Variants in TYW3 observed in about 807,000 individuals in gnomAD.
The protein encoded by TYW3 is tRNA-yW synthesizing protein 3 homolog, also known as tRNA wybutosine-synthesizing protein 3 homolog.
In TYW3, 26 loss-of-function variants were observed where a neutral mutation model predicts 23.1. The observed-to-expected ratio is 1.13, with a 90% CI of 0.83 to 1.56. The LOEUF (loss-of-function observed/expected upper bound fraction) is 1.56. TYW3 is among the 40% of genes most tolerant of loss of function. The probability of loss-of-function intolerance (pLI) is 0.00; values close to 1 mark genes in which losing one functional copy is unlikely to be tolerated. For missense variants in TYW3, 316 were observed against 311.9 expected (o/e 1.01, Z -0.10); for synonymous variants, 102 against 105.7 (o/e 0.97, Z 0.21).
At position 74,764,176 on chromosome 1, in the gene TYW3, TA is replaced by T; in HGVS notation, c.*65del. The T allele has an allele frequency of 1.4e-6, 2 of 1,436,126 alleles. No homozygotes were observed. The highest frequency in any genetic ancestry group is 9.5e-7 in the Non-Finnish European group (1 of 1,048,758). The allele number at this position is 1,436,126 out of a possible 1,614,324, so 89.0% of individuals were successfully genotyped here. A position where few individuals can be genotyped will look rare whatever the true frequency, so the allele number is the denominator to read the frequency against. ...GTAGGTTTTATAAAGCTGCTCTTCA[TA>T]AGAGTATTTTAGTTTGTTGAGTGTA... On this transcript the variant is annotated 3_prime_UTR_variant, in exon 6 of 6. Coordinates refer to ENST00000370867, the MANE Select transcript of TYW3 (RefSeq NM_138467.3).
chr1:74,736,287 C>A, intron 1 of TYW3: 1 of 279,668 alleles, frequency 3.6e-6, no homozygotes, highest in Non-Finnish European at 6.7e-6. Flanking sequence ...TTTTTTCTTG[C>A]AAAATCATGA....
In TYW3 at chr1:74,764,122, T is replaced by A; in HGVS notation, c.*9T>A. On this transcript the variant is annotated 3_prime_UTR_variant, in exon 6 of 6. Coordinates refer to ENST00000370867, the MANE Select transcript of TYW3 (RefSeq NM_138467.3). ...TCCCTGAAGATTACTAAGCTTTGGT[T>A]CTGATGTGTCTTGGCCGTAATGTTT... 3.1e-6 allele frequency: 5 copies of A among 1,601,452 alleles called. No individual in the cohort carries two copies. The highest frequency in any genetic ancestry group is 4.3e-6 in the Non-Finnish European group (5 of 1,175,046).
chr1:74,755,062 G>C (rs1262038573), intron 5 of TYW3, among the ~76,000 whole-genome samples: 1 of 152,124 alleles, frequency 6.6e-6, no homozygotes, highest in Non-Finnish European at 1.5e-5. Context: ...ACTGTGTAAT[G>C]AGAAAATATT....
chr1:74,764,465 A>C lies in TYW3; in HGVS notation c.*352A>C, dbSNP rs1319164450. 1.2e-5 allele frequency: 2 copies of C among 169,378 alleles called. No homozygotes were observed. The highest frequency in any genetic ancestry group is 4.7e-5 in the African/African-American group (2 of 42,194). The allele number at this position is 169,378 out of a possible 1,614,324, so 10.5% of individuals were successfully genotyped here. Reference sequence around the variant, plus strand: ...TTTAGATTATTTTGGATACATTTTGAAAAGGGATAGCATAAATATTTTAAG... The same window carrying C: ...TTTAGATTATTTTGGATACATTTTGCAAAGGGATAGCATAAATATTTTAAG... On this transcript the variant is annotated 3_prime_UTR_variant, in exon 6 of 6. Coordinates refer to ENST00000370867, the MANE Select transcript of TYW3 (RefSeq NM_138467.3).
chr1:74,742,984 G>A (rs758624670), intron 3 of TYW3, among the ~76,000 whole-genome samples: 34 of 152,128 alleles, frequency 2.2e-4, no homozygotes, highest in Admixed American at 8.5e-4. Flanking sequence ...ACATGCCCAG[G>A]GCTCAGTGAG....
chr1:74,747,404 G>A (rs61790736), intron 3 of TYW3, among the ~76,000 whole-genome samples: 59,429 of 151,612 alleles, frequency 0.39, 14,262 homozygotes, highest in Non-Finnish European at 0.55. Context: ...TTGGGAGGCC[G>A]AGGCGGGCGG....
chr1:74,760,739 G>C (rs1026800119), intron 5 of TYW3, among the ~76,000 whole-genome samples: 1 of 152,208 alleles, frequency 6.6e-6, no homozygotes, highest in Admixed American at 6.5e-5. Flanking sequence ...GAAAATGCTA[G>C]TTAAAATCTA....
chr1:74,759,350 A>G (rs1388109797), intron 5 of TYW3, among the ~76,000 whole-genome samples: 1 of 146,526 alleles, frequency 6.8e-6, no homozygotes, highest in Admixed American at 6.8e-5. Flanking sequence ...AGTCTTTATC[A>G]TTTTTCTTTC....
intron 5 of TYW3, among the ~76,000 whole-genome samples, chr1:74,753,450 T>C (rs1008878118): frequency 6.6e-5 from 10 of 152,214 alleles, no homozygotes; most frequent in African/African-American, 1.9e-4. Context: ...TTTGAAGCAT[T>C]GAAGGCCAAC....
At chr1:74,741,054 T>A (rs903965964) in intron 3 of TYW3, among the ~76,000 whole-genome samples, 1 of 152,140 alleles carries the variant, frequency 6.6e-6, no homozygotes, top group Non-Finnish European at 1.5e-5. Context: ...TTTAGACCAG[T>A]GAAAGGGCCA....
intron 5 of TYW3, among the ~76,000 whole-genome samples, chr1:74,757,621 T>G (rs1002744273): frequency 6.6e-6 from 1 of 152,276 alleles, no homozygotes; most frequent in Non-Finnish European, 1.5e-5. Context: ...CAGAAGGGAC[T>G]TGCCTTGTCT....
chr1:74,748,927 T>C, intron 4 of TYW3, 105 bp downstream of exon 4: 1 of 1,059,742 alleles, frequency 9.4e-7, no homozygotes, highest in Non-Finnish European at 1.4e-6. Context: ...CAAATCTTCT[T>C]GCCATTCTCT....
chr1:74,744,611 A>G (rs1347292556), intron 3 of TYW3, among the ~76,000 whole-genome samples: 1 of 152,090 alleles, frequency 6.6e-6, no homozygotes, highest in Non-Finnish European at 1.5e-5. Context: ...CTGGGTCGCC[A>G]AAATGTGTCC....
At chr1:74,742,523 G>A (rs907126296) in intron 3 of TYW3, among the ~76,000 whole-genome samples, 4 of 152,120 alleles carry the variant, frequency 2.6e-5, no homozygotes, top group Admixed American at 1.3e-4. Flanking sequence ...CCATACCAAG[G>A]GTCCTTCCGT....
intron 5 of TYW3, among the ~76,000 whole-genome samples, chr1:74,758,635 C>T (rs913544777): frequency 7.6e-6 from 1 of 131,788 alleles, no homozygotes; most frequent in African/African-American, 2.9e-5. Flanking sequence ...TGATTCTTAT[C>T]GTCATTTACC....
chr1:74,736,434 C>A, intron 1 of TYW3, 108 bp from the exon 2 acceptor site: 1 of 725,856 alleles, frequency 1.4e-6, no homozygotes, highest in Non-Finnish European at 2.0e-6. Flanking sequence ...ACTTAAAATC[C>A]TGACTTGGGA....
intron 5 of TYW3, among the ~76,000 whole-genome samples, chr1:74,755,511 G>T (rs947599492): frequency 2.0e-5 from 3 of 152,146 alleles, no homozygotes; most frequent in Non-Finnish European, 2.9e-5. Context: ...CAGAATTTCA[G>T]TTTCTTTAAG....
At chr1:74,762,359 G>T (rs191047636) in intron 5 of TYW3, among the ~76,000 whole-genome samples, 44 of 152,214 alleles carry the variant, frequency 2.9e-4, no homozygotes, top group African/African-American at 9.9e-4. Flanking sequence ...AAAATTTCTT[G>T]CCATAGTCTC....
intron 5 of TYW3, among the ~76,000 whole-genome samples, chr1:74,759,201 TA>T (rs1347957523): frequency 6.6e-6 from 1 of 151,930 alleles, no homozygotes; most frequent in Non-Finnish European, 1.5e-5. Flanking sequence ...AAGGAAGAAG[TA>T]ATAGGTCCCT....
Sources: allele counts gnomAD v4.1 joint callset (sites outside exome capture counted in the v4.1 genomes callset), GRCh38; gene constraint gnomAD v4.1.1; transcripts MANE v1.5; gene names NCBI Gene and HGNC (gene_info 2026-07-23, HGNC 2026-07-21).